Variants in LDB2 observed in about 807,000 individuals in gnomAD.
LDB2 encodes the protein LIM domain-binding protein 2.
A neutral mutation model predicts 44.3 loss-of-function variants in LDB2; 12 were observed. The ratio of observed to expected loss-of-function variants is 0.27; its 90% CI spans 0.17 to 0.44. The LOEUF is 0.44. LDB2 is among the 20% of genes least tolerant of loss of function. The probability of loss-of-function intolerance (pLI) is 1.00; values close to 1 mark genes in which losing one functional copy is unlikely to be tolerated. For synonymous variants in LDB2, 164 were observed against 174.8 expected (o/e 0.94, Z 0.49); for missense variants, 344 against 473.5 (o/e 0.73, Z 2.54).
chr4:16,505,677 C>T (rs1719122553), intron 7 of LDB2, among the ~76,000 whole-genome samples: 2 of 151,620 alleles, frequency 1.3e-5, no homozygotes, highest in Non-Finnish European at 2.9e-5. Context: ...CCATCTCTAT[C>T]CTGTGTGTCC....
At chr4:16,740,901 T>C (rs1427414932) in intron 2 of LDB2, among the ~76,000 whole-genome samples, 1 of 152,190 alleles carries the variant, frequency 6.6e-6, no homozygotes, top group African/African-American at 2.4e-5. Flanking sequence ...CAACTTTCAG[T>C]AAGGAGACCA....
intron 2 of LDB2, chr4:16,626,860 T>C (rs1730406095): frequency 6.6e-6 from 1 of 152,130 alleles, no homozygotes; most frequent in Non-Finnish European, 1.5e-5. Flanking sequence ...TCCTACTGCT[T>C]ACTGTGAAAG....
chr4:16,757,152 C>A (rs1342547911), intron 2 of LDB2, among the ~76,000 whole-genome samples: 1 of 152,164 alleles, frequency 6.6e-6, no homozygotes, highest in African/African-American at 2.4e-5. Flanking sequence ...GAGCTCAGAG[C>A]GCTGCATAAA....
At chr4:16,620,231 C>G (rs1728515405) in intron 2 of LDB2, among the ~76,000 whole-genome samples, 1 of 152,196 alleles carries the variant, frequency 6.6e-6, no homozygotes, top group Non-Finnish European at 1.5e-5. Flanking sequence ...CACAGTTAGT[C>G]TCTAATTGCT....
chr4:16,782,529 T>G (rs1342954972), intron 1 of LDB2, among the ~76,000 whole-genome samples: 1 of 152,056 alleles, frequency 6.6e-6, no homozygotes, highest in African/African-American at 2.4e-5. Flanking sequence ...TTTTTGTATT[T>G]TTAGTAGAGA....
At chr4:16,643,101 C>T (rs1292871576) in intron 2 of LDB2, among the ~76,000 whole-genome samples, 3 of 145,174 alleles carry the variant, frequency 2.1e-5, no homozygotes, top group African/African-American at 7.7e-5. Context: ...CGGTAGATGG[C>T]AGTAAGCTGT....
At chr4:16,758,807 G>A (rs751786959) in intron 2 of LDB2, among the ~76,000 whole-genome samples, 1 of 152,206 alleles carries the variant, frequency 6.6e-6, no homozygotes, top group Non-Finnish European at 1.5e-5. Flanking sequence ...ACCTCCAGAA[G>A]CAGAACATTG....
chr4:16,758,764 ATACAGTGACAGTAGGAAT>A (rs1219884103), intron 2 of LDB2, among the ~76,000 whole-genome samples: 1 of 152,232 alleles, frequency 6.6e-6, no homozygotes, highest in Non-Finnish European at 1.5e-5. Flanking sequence ...GATGTGGCTG[ATACAGTGACAGTAGGAAT>A]TATTATTTTT....
chr4:16,744,261 ATTCTCGTGCCTCAGCC>A (rs1402029815), intron 2 of LDB2, among the ~76,000 whole-genome samples: 1 of 151,702 alleles, frequency 6.6e-6, no homozygotes, highest in East Asian at 1.9e-4. Flanking sequence ...GGTTCAAGTG[ATTCTCGTGCCTCAGCC>A]TCCCGAGTAA....
intron 5 of LDB2, among the ~76,000 whole-genome samples, chr4:16,575,324 A>C (rs2152407626): frequency 6.6e-6 from 1 of 152,348 alleles, no homozygotes; most frequent in South Asian, 2.1e-4. Context: ...ATACAGGATA[A>C]GATGTTTTAA....
rs1040597439 is a variant in LDB2, at chr4:16,577,702, CA to C, written c.615+8219del. Among the ~76,000 whole-genome samples the C allele has an allele frequency of 7.9e-5, 12 of 152,252 alleles. No individual in the cohort carries two copies. The Middle Eastern group carries it at 0.01, about 129-fold the overall frequency. On this transcript the variant is annotated intron_variant, in intron 5 of 7. Transcript: ENST00000304523. ...ATCAAAATACCAATGACATTCTTCA[CA>C]AAAACACAGAAAACAATCCTAAAAT...
At chr4:16,789,794 T>G (rs1166457860) in intron 1 of LDB2, among the ~76,000 whole-genome samples, 1 of 152,076 alleles carries the variant, frequency 6.6e-6, no homozygotes, top group Non-Finnish European at 1.5e-5. Context: ...TAGCTGGGTG[T>G]GATGGCATAC....
chr4:16,766,411 CAT>C (rs1024860768), intron 1 of LDB2, among the ~76,000 whole-genome samples: 55 of 149,516 alleles, frequency 3.7e-4, no homozygotes, highest in Middle Eastern at 3.2e-3. Context: ...TATATATACA[CAT>C]ATATGTCTAT....
At chr4:16,643,442 T>C (rs1434415861) in intron 2 of LDB2, among the ~76,000 whole-genome samples, 2 of 152,222 alleles carry the variant, frequency 1.3e-5, no homozygotes, top group Admixed American at 6.5e-5. Flanking sequence ...GTAACACATT[T>C]AGCATGGCTA....
intron 1 of LDB2, among the ~76,000 whole-genome samples, chr4:16,836,333 A>G (rs640330): frequency 0.64 from 96,692 of 152,010 alleles, 30,868 homozygotes; most frequent in Middle Eastern, 0.74. Flanking sequence ...GAGGATAAAC[A>G]TGGATAATGG....
At chr4:16,839,103 G>C (rs1785399054) in intron 1 of LDB2, among the ~76,000 whole-genome samples, 1 of 152,194 alleles carries the variant, frequency 6.6e-6, no homozygotes, top group Admixed American at 6.5e-5. Context: ...TTGTATTCTA[G>C]ACACTTAATA....
chr4:16,641,845 A>G (rs1735259121), intron 2 of LDB2, among the ~76,000 whole-genome samples: 1 of 152,190 alleles, frequency 6.6e-6, no homozygotes, highest in Non-Finnish European at 1.5e-5. Flanking sequence ...CACATTGAAA[A>G]CAAGGCAGAG....
At chr4:16,713,035 G>C (rs1323516298) in intron 2 of LDB2, among the ~76,000 whole-genome samples, 2 of 152,212 alleles carry the variant, frequency 1.3e-5, no homozygotes, top group East Asian at 3.8e-4. Flanking sequence ...AAGGAACGAA[G>C]TAATGATACA....
At chr4:16,739,620 ATG>A (rs1276146439) in intron 2 of LDB2, among the ~76,000 whole-genome samples, 3 of 68,122 alleles carry the variant, frequency 4.4e-5, no homozygotes, top group African/African-American at 6.3e-5. Context: ...GTATATATAC[ATG>A]TGTGTGTATA....
Sources: allele counts gnomAD v4.1 joint callset (sites outside exome capture counted in the v4.1 genomes callset), GRCh38; gene constraint gnomAD v4.1.1; transcripts MANE v1.5; gene names NCBI Gene and HGNC (gene_info 2026-07-23, HGNC 2026-07-21).